Variants in CPVL observed in about 807,000 individuals in gnomAD.
The protein encoded by CPVL is probable serine carboxypeptidase CPVL.
Under a neutral mutation model 63.7 loss-of-function variants are expected in CPVL, and 51 were observed. The observed-to-expected ratio is 0.80, with a 90% CI of 0.64 to 1.01. The LOEUF (loss-of-function observed/expected upper bound fraction) is 1.01, where lower values mean the gene tolerates loss of function less well. CPVL is among the 50% of genes least tolerant of loss of function. The pLI, the probability that CPVL is intolerant of heterozygous loss-of-function variation, is 0.00. For missense variants in CPVL, 530 were observed against 573.1 expected (o/e 0.92, Z 0.77); for synonymous variants, 195 against 206.0 (o/e 0.95, Z 0.46).
rs535557449 is a variant in CPVL, at chr7:29,127,387, T to C, written c.-10-6316A>G. The C allele has an allele frequency of 5.9e-5, 9 of 152,310 alleles. No homozygotes were observed. In the South Asian group the frequency reaches 6.2e-4, roughly 11 times the overall value. 9.4% of individuals were successfully genotyped at this position (152,310 alleles called of 1,614,324 possible). On this transcript the variant is annotated intron_variant, in intron 1 of 12. Transcript: ENST00000265394. ...ACAAAAAACTGTACTGATTGCTTTATATTTTTTATTTCTAACCAGGAAGGT... is the reference window on the plus strand; with the variant it reads ...ACAAAAAACTGTACTGATTGCTTTACATTTTTTATTTCTAACCAGGAAGGT...
At chr7:29,080,912 A>G (rs1024045428) in intron 7 of CPVL, among the ~76,000 whole-genome samples, 29 of 152,232 alleles carry the variant, frequency 1.9e-4, no homozygotes, top group African/African-American at 6.8e-4. Context: ...CTGTTTATAA[A>G]GAGAGTCTGC....
At chr7:29,014,438 C>A (rs1021482409) in intron 12 of CPVL, among the ~76,000 whole-genome samples, 3 of 152,106 alleles carry the variant, frequency 2.0e-5, no homozygotes, top group African/African-American at 7.2e-5. Context: ...CTCAAGTGAT[C>A]CTCCCATCTC....
intron 11 of CPVL, among the ~76,000 whole-genome samples, chr7:29,061,433 A>G (rs1232180743): frequency 6.6e-6 from 1 of 152,216 alleles, no homozygotes; most frequent in Non-Finnish European, 1.5e-5. Context: ...AGAAAAGTTT[A>G]GAAAATACTG....
At chr7:29,170,732 A>C (rs59085976) in intron 5 of CPVL, among the ~76,000 whole-genome samples, 7,526 of 152,252 alleles carry the variant, frequency 0.049, 430 homozygotes, top group East Asian at 0.19. Flanking sequence ...GCGACTGGGC[A>C]ATTTACAAAA....
intron 6 of CPVL, among the ~76,000 whole-genome samples, chr7:29,091,938 CCTT>C (rs1215837393): frequency 6.6e-6 from 1 of 152,156 alleles, no homozygotes; most frequent in African/African-American, 2.4e-5. Flanking sequence ...CTAGTTAACT[CCTT>C]CTGGCCACTA....
At chr7:29,044,996 A>G (rs557239286) in intron 11 of CPVL, among the ~76,000 whole-genome samples, 17 of 152,220 alleles carry the variant, frequency 1.1e-4, no homozygotes, top group Non-Finnish European at 1.5e-4. Flanking sequence ...ACTTTCAAAC[A>G]ACAACAAAAT....
chr7:28,996,202 C>T (rs1784041448), intron 12 of CPVL: 2 of 225,718 alleles, frequency 8.9e-6, no homozygotes, highest in African/African-American at 4.7e-5. Flanking sequence ...GAGAGTGCTG[C>T]ACTGCAAGTG....
In CPVL at chr7:29,140,803, C is replaced by T. The variant is rs1205813364; in HGVS notation, c.-11+5626G>A. Reference sequence around the variant, plus strand: ...AAAAAGTGACCTTAGACAGGCACAACTGTGGGACAATGAGGGAAGGCAGAA... The same window carrying T: ...AAAAAGTGACCTTAGACAGGCACAATTGTGGGACAATGAGGGAAGGCAGAA... On this transcript the variant is annotated intron_variant, in intron 1 of 12. Coordinates refer to ENST00000265394, the MANE Select transcript of CPVL (RefSeq NM_031311.5). Among the ~76,000 whole-genome samples, 5 of 152,272 alleles carry T rather than the reference C, an allele frequency of 3.3e-5. No homozygotes were observed. The East Asian group carries it at 7.7e-4, about 24-fold the overall frequency.
intron 5 of CPVL, among the ~76,000 whole-genome samples, chr7:29,159,173 G>C (rs934658914): frequency 6.6e-6 from 1 of 152,206 alleles, no homozygotes; most frequent in Non-Finnish European, 1.5e-5. Flanking sequence ...CCTGCAAGCA[G>C]ATTTCTTTAT....
At chr7:29,145,273 G>GA (rs35929858) in intron 1 of CPVL, among the ~76,000 whole-genome samples, 95,563 of 151,186 alleles carry the variant, frequency 0.63, 30,316 homozygotes, top group East Asian at 0.69. Flanking sequence ...GCAAAGAATG[G>GA]AAAAAAAATG....
chr7:29,146,336 A>C, intron 1 of CPVL, 93 bp downstream of exon 1: 1 of 491,010 alleles, frequency 2.0e-6, no homozygotes, highest in Non-Finnish European at 3.5e-6. Context: ...GGCTTTTGAG[A>C]CTACCTGCCC....
chr7:29,170,768 T>C lies in CPVL; in HGVS notation c.-11+10522A>G, dbSNP rs184047770. Among the ~76,000 whole-genome samples, 10 of 152,326 alleles carry C rather than the reference T, an allele frequency of 6.6e-5. No individual in the cohort carries two copies. In the East Asian group the frequency reaches 1.9e-3, roughly 29 times the overall value. On this transcript the variant is annotated intron_variant, in intron 5 of 16. Transcript: ENST00000409850. ...GAAAGAGGTTTAATTGGACTTATAGTTCCATATGGCTGGTGGGGGGGCCTC... is the reference window on the plus strand; with the variant it reads ...GAAAGAGGTTTAATTGGACTTATAGCTCCATATGGCTGGTGGGGGGGCCTC...
chr7:29,036,870 C>T (rs1788574536), intron 11 of CPVL, among the ~76,000 whole-genome samples: 1 of 152,072 alleles, frequency 6.6e-6, no homozygotes, highest in Non-Finnish European at 1.5e-5. Context: ...TGTTATTTAT[C>T]CCATTTTAGG....
At chr7:29,020,249 A>C (rs1786824358) in intron 12 of CPVL, among the ~76,000 whole-genome samples, 1 of 152,116 alleles carries the variant, frequency 6.6e-6, no homozygotes, top group Non-Finnish European at 1.5e-5. Flanking sequence ...TCTTGAGGAG[A>C]TCGTGTGTGT....
At chr7:29,132,156 G>C (rs76391396) in intron 1 of CPVL, among the ~76,000 whole-genome samples, 3,416 of 152,240 alleles carry the variant, frequency 0.022, 124 homozygotes, top group African/African-American at 0.078. Context: ...GAGCAGATCT[G>C]AGGGCATGAG....
At chr7:29,024,153 G>A (rs1375815090) in intron 12 of CPVL, among the ~76,000 whole-genome samples, 2 of 151,920 alleles carry the variant, frequency 1.3e-5, no homozygotes, top group African/African-American at 4.8e-5. Context: ...ACATAAAGAA[G>A]AACCAATCAG....
intron 7 of CPVL, among the ~76,000 whole-genome samples, chr7:29,076,355 G>C (rs781309243): frequency 6.6e-6 from 1 of 152,098 alleles, no homozygotes; most frequent in Non-Finnish European, 1.5e-5. Context: ...AAGCCCCTGA[G>C]GTCTGTGAAT....
At chr7:29,085,811 T>C (rs1361553487) in intron 7 of CPVL, among the ~76,000 whole-genome samples, 3 of 152,178 alleles carry the variant, frequency 2.0e-5, no homozygotes, top group Non-Finnish European at 4.4e-5. Context: ...TCAAATGTTT[T>C]GACATAACCT....
chr7:29,092,936 G>C (rs963234609), intron 5 of CPVL, among the ~76,000 whole-genome samples: 3 of 152,068 alleles, frequency 2.0e-5, no homozygotes, highest in African/African-American at 7.2e-5. Context: ...TTTGCCCTGG[G>C]GTCAGTGGCT....
Sources: gnomAD v4.1 joint callset for allele counts (sites outside exome capture counted in the v4.1 genomes callset) on GRCh38, gnomAD v4.1.1 for gene constraint, MANE v1.5 for transcripts, NCBI Gene and HGNC (gene_info 2026-07-23, HGNC 2026-07-21) for gene names.